Variants in SYT1 observed in about 807,000 individuals in gnomAD.
The protein encoded by SYT1 is synaptotagmin 1, also known as synaptotagmin-1.
Under a neutral mutation model 44.8 loss-of-function variants are expected in SYT1, and 8 were observed. The observed-to-expected ratio is 0.18, with a 90% CI of 0.10 to 0.32. The LOEUF is 0.32. Ranked by LOEUF, SYT1 falls within the 10% of genes least tolerant of loss-of-function variation. The pLI, the probability that SYT1 is intolerant of heterozygous loss-of-function variation, is 1.00. For missense variants in SYT1, 286 were observed against 509.3 expected (o/e 0.56, Z 4.22); for synonymous variants, 154 against 188.8 (o/e 0.82, Z 1.51).
chr12:78,907,857 G>C (rs770353260), intron 1 of SYT1, among the ~76,000 whole-genome samples: 19 of 151,998 alleles, frequency 1.3e-4, no homozygotes, highest in Non-Finnish European at 2.1e-4. Flanking sequence ...TGATCAAGAT[G>C]ACTGTTTGTA....
intron 9 of SYT1, among the ~76,000 whole-genome samples, chr12:79,436,183 C>A (rs1184838000): frequency 6.6e-6 from 1 of 152,140 alleles, no homozygotes; most frequent in Admixed American, 6.5e-5. Flanking sequence ...CAGTAAGTTA[C>A]CTTTACAATT....
At chr12:79,040,436 T>G (rs1394582871) in intron 2 of SYT1, among the ~76,000 whole-genome samples, 1 of 152,238 alleles carries the variant, frequency 6.6e-6, no homozygotes, top group Admixed American at 6.5e-5. Context: ...GAGAAGTGTC[T>G]GTTCATGTCC....
At chr12:79,081,545 A>T (rs575858209) in intron 3 of SYT1, among the ~76,000 whole-genome samples, 4 of 151,938 alleles carry the variant, frequency 2.6e-5, no homozygotes, top group African/African-American at 7.2e-5. Flanking sequence ...TACCCAGCTA[A>T]TTTTTTTATT....
At chr12:78,913,042 A>G (rs1417802878) in intron 1 of SYT1, among the ~76,000 whole-genome samples, 1 of 151,894 alleles carries the variant, frequency 6.6e-6, no homozygotes, top group Non-Finnish European at 1.5e-5. Context: ...TTCTTAGATT[A>G]CCTAAATAGA....
At chr12:78,991,834 G>A (rs1375341197) in intron 2 of SYT1, among the ~76,000 whole-genome samples, 2 of 152,066 alleles carry the variant, frequency 1.3e-5, no homozygotes, top group Non-Finnish European at 2.9e-5. Flanking sequence ...TCTTTTTGTG[G>A]ATAAGTATCT....
intron 9 of SYT1, among the ~76,000 whole-genome samples, chr12:79,361,960 C>A (rs2136026277): frequency 6.6e-6 from 1 of 152,114 alleles, no homozygotes; most frequent in Admixed American, 6.6e-5. Flanking sequence ...AGCTTACTAC[C>A]CTTGTAAATT....
chr12:79,148,264 A>C (rs1870047518), intron 3 of SYT1, among the ~76,000 whole-genome samples: 1 of 152,048 alleles, frequency 6.6e-6, no homozygotes, highest in African/African-American at 2.4e-5. Context: ...TGGGCAGCAA[A>C]CTCCTTCCAA....
At chr12:79,121,415 TAAATA>T (rs1426048990) in intron 3 of SYT1, among the ~76,000 whole-genome samples, 1 of 152,194 alleles carries the variant, frequency 6.6e-6, no homozygotes, top group Non-Finnish European at 1.5e-5. Flanking sequence ...TGAATAATCT[TAAATA>T]AAATGTAGGG....
chr12:79,028,988 T>C (rs1270607295), intron 2 of SYT1, among the ~76,000 whole-genome samples: 1 of 151,286 alleles, frequency 6.6e-6, no homozygotes, highest in African/African-American at 2.4e-5. Context: ...ATGTTAACAA[T>C]AGTCACAAAA....
At chr12:79,258,044 T>C (rs1877627306) in intron 4 of SYT1, among the ~76,000 whole-genome samples, 1 of 152,206 alleles carries the variant, frequency 6.6e-6, no homozygotes, top group Non-Finnish European at 1.5e-5. Context: ...ATCAACTGTT[T>C]AGATGAAGAA....
chr12:79,247,644 A>T (rs1282486012), intron 4 of SYT1, among the ~76,000 whole-genome samples: 2 of 152,242 alleles, frequency 1.3e-5, no homozygotes, highest in Non-Finnish European at 2.9e-5. Flanking sequence ...ATCTCTAAAC[A>T]TTTAATGAGT....
At chr12:79,144,104 T>A (rs1869730426) in intron 3 of SYT1, among the ~76,000 whole-genome samples, 1 of 152,186 alleles carries the variant, frequency 6.6e-6, no homozygotes, top group African/African-American at 2.4e-5. Flanking sequence ...GATCTGTCAT[T>A]TCCTCCAAAA....
rs933895042 is a variant in SYT1, at chr12:79,314,147, C to T, written c.810+14596C>T. On this transcript the variant is annotated intron_variant, in intron 8 of 10. Coordinates refer to ENST00000261205, the MANE Select transcript of SYT1 (RefSeq NM_005639.3). ...TCGCGCCACTGCACTCCAGCCTGGG[C>T]GACAGAGCGAGACTCCGTCTCAAAA... 1.2e-4 allele frequency among the ~76,000 whole-genome samples: 14 copies of T among 116,446 alleles called. No homozygotes were observed. In the East Asian group the frequency reaches 2.5e-3, roughly 21 times the overall value. 76.4% of individuals were successfully genotyped at this position (116,446 alleles called of 152,430 possible). A position where few individuals can be genotyped will look rare whatever the true frequency, so the allele number is the denominator to read the frequency against.
At chr12:79,290,443 A>G (rs1879525518) in intron 5 of SYT1, among the ~76,000 whole-genome samples, 1 of 152,184 alleles carries the variant, frequency 6.6e-6, no homozygotes, top group African/African-American at 2.4e-5. Context: ...CACAGCAAAG[A>G]AAAAAGACCA....
chr12:79,437,372 G>C (rs529790967), intron 9 of SYT1, among the ~76,000 whole-genome samples: 1 of 152,150 alleles, frequency 6.6e-6, no homozygotes, highest in African/African-American at 2.4e-5. Context: ...GAGAAACAAC[G>C]TGAAGGTAAA....
At chr12:79,269,970 T>G (rs1230026711) in intron 4 of SYT1, among the ~76,000 whole-genome samples, 2 of 152,226 alleles carry the variant, frequency 1.3e-5, no homozygotes, top group African/African-American at 4.8e-5. Flanking sequence ...AAATATGCAT[T>G]TAATGTTCTG....
intron 1 of SYT1, among the ~76,000 whole-genome samples, chr12:78,872,291 C>T (rs1423889133): frequency 6.6e-6 from 1 of 151,706 alleles, no homozygotes. Flanking sequence ...CTTTCTGAAC[C>T]ACTCTTAGAC....
At chr12:78,966,490 C>G (rs1565740427) in intron 1 of SYT1, among the ~76,000 whole-genome samples, 1 of 152,158 alleles carries the variant, frequency 6.6e-6, no homozygotes, top group South Asian at 2.1e-4. Flanking sequence ...CTTAAATCTA[C>G]TACACCATCT....
At chr12:79,127,710 G>A (rs1465348866) in intron 3 of SYT1, among the ~76,000 whole-genome samples, 1 of 152,152 alleles carries the variant, frequency 6.6e-6, no homozygotes, top group African/African-American at 2.4e-5. Flanking sequence ...GACTGTTTCT[G>A]TTTCCAGCTG....
Sources: allele counts gnomAD v4.1 joint callset (sites outside exome capture counted in the v4.1 genomes callset), GRCh38; gene constraint gnomAD v4.1.1; transcripts MANE v1.5; gene names NCBI Gene and HGNC (gene_info 2026-07-23, HGNC 2026-07-21).